The following RGS9 variants were observed in gnomAD, a reference collection of about 807,000 sequenced individuals.
RGS9 encodes regulator of G protein signaling 9, also known as regulator of G-protein signalling 9.
Under a neutral mutation model 102.0 loss-of-function variants are expected in RGS9, and 78 were observed. That is an observed-to-expected ratio of 0.76 (90% CI 0.64 to 0.92). The LOEUF (loss-of-function observed/expected upper bound fraction) is 0.92. Ranked by LOEUF, RGS9 falls within the 40% of genes least tolerant of loss-of-function variation. RGS9 has a pLI of 0.00. For missense variants in RGS9, 833 were observed against 866.1 expected (o/e 0.96, Z 0.48); for synonymous variants, 353 against 318.6 (o/e 1.11, Z -1.15).
intron 7 of RGS9, among the ~76,000 whole-genome samples, chr17:65,166,534 G>A (rs1258312057): frequency 2.6e-5 from 4 of 152,336 alleles, no homozygotes; most frequent in African/African-American, 9.6e-5. Context: ...GTACATGAAT[G>A]AACGAATGAA....
At position 65,226,270 on chromosome 17, in the gene RGS9, C is replaced by T. The variant is rs115395891; in HGVS notation, c.1892+784C>T. ...TTTGGGGGAGACAGTCAGGGGCACC[C>T]CTGCACCAATCAACATGTGTTTGGC... On this transcript the variant is annotated intron_variant, in intron 18 of 18. Coordinates refer to ENST00000262406, the MANE Select transcript of RGS9 (RefSeq NM_003835.4). Among the ~76,000 whole-genome samples, 1,238 of 152,290 alleles carry T rather than the reference C, an allele frequency of 8.1e-3. 16 individuals carry two copies. Among genetic ancestry groups the T allele is most frequent in the African/African-American group, 0.029 (1,192 of 41,554 alleles).
At chr17:65,219,153 G>A (rs1359394733) in intron 17 of RGS9, among the ~76,000 whole-genome samples, 3 of 152,178 alleles carry the variant, frequency 2.0e-5, no homozygotes, top group African/African-American at 4.8e-5. Context: ...GGGACTCAGG[G>A]CTGTGTGCAT....
intron 9 of RGS9, among the ~76,000 whole-genome samples, chr17:65,182,095 T>G (rs1274809845): frequency 6.6e-6 from 1 of 152,102 alleles, no homozygotes; most frequent in African/African-American, 2.4e-5. Context: ...AATAAGCAGC[T>G]GCTCAGAACC....
rs1166417586 is a variant in RGS9 at position 65,160,401 on chromosome 17, T to C, written c.312+62T>C. The C allele has an allele frequency of 1.2e-5, 18 of 1,560,720 alleles. 1 individual carries two copies. The South Asian group carries it at 1.9e-4, about 16-fold the overall frequency. ...GTTGATCTCATTTGAAAAGGTGGGGTTCATAGTTTCACAGATCAAGGACTT... is the reference window on the plus strand; with the variant it reads ...GTTGATCTCATTTGAAAAGGTGGGGCTCATAGTTTCACAGATCAAGGACTT... On this transcript the variant is annotated intron_variant, in intron 4 of 18. Transcript: ENST00000262406.
Position 65,227,355 on chromosome 17 carries a change from C to T in RGS9, c.1973C>T (p.Ser658Leu), listed in dbSNP as rs375807747. 9.1e-5 allele frequency: 147 copies of T among 1,613,998 alleles called. No individual in the cohort carries two copies. The highest frequency in any genetic ancestry group is 1.1e-4 in the Non-Finnish European group (132 of 1,180,046). The change falls in exon 19 of 19, where the codon TCG (serine) becomes TTG (leucine). Residue 658 changes from serine to leucine, a missense_variant. This residue lies in a region of RGS9 where 320 missense variants were observed against 276.8 expected (regional missense o/e 1.16). Coordinates refer to ENST00000262406, the MANE Select transcript of RGS9 (RefSeq NM_003835.4). Reference protein sequence around the residue: ...MDSEDAGTGESGDRATEKEVI... With the variant: ...MDSEDAGTGELGDRATEKEVI... Reference sequence around the variant, plus strand: ...TCGGAGGATGCTGGAACAGGAGAGTCGGGTGACCGGGCCACAGAAAAGGAG... The same window carrying T: ...TCGGAGGATGCTGGAACAGGAGAGTTGGGTGACCGGGCCACAGAAAAGGAG...
chr17:65,203,161 T>A (rs183189281), intron 14 of RGS9, among the ~76,000 whole-genome samples: 4 of 152,296 alleles, frequency 2.6e-5, no homozygotes, highest in African/African-American at 9.6e-5. Flanking sequence ...CCAGCAGCAT[T>A]GAAGAGAAAA....
At chr17:65,179,641 G>A (rs1386476429) in intron 9 of RGS9, among the ~76,000 whole-genome samples, 2 of 125,712 alleles carry the variant, frequency 1.6e-5, no homozygotes, top group South Asian at 5.3e-4. Context: ...TCAGCTGTGT[G>A]TGTGTGTGTG....
In RGS9 at chr17:65,137,370, A is replaced by T; in HGVS notation, c.-171A>T. Reference sequence around the variant, plus strand: ...TGGCGCGGATTCCAGCTGCTTTCCAAGTCAGCGGCGCCTAGTGAGAGTCAG... The same window carrying T: ...TGGCGCGGATTCCAGCTGCTTTCCATGTCAGCGGCGCCTAGTGAGAGTCAG... On this transcript the variant is annotated 5_prime_UTR_variant, in exon 1 of 19. Coordinates refer to ENST00000262406, the MANE Select transcript of RGS9 (RefSeq NM_003835.4). 1 of 653,056 alleles carries T rather than the reference A, an allele frequency of 1.5e-6. No homozygotes were observed. Among genetic ancestry groups the T allele is most frequent in the Non-Finnish European group, 2.7e-6 (1 of 366,602 alleles). The allele number at this position is 653,056 out of a possible 1,614,324, so 40.5% of individuals were successfully genotyped here.
chr17:65,152,600 G>A (rs544661134), intron 1 of RGS9, among the ~76,000 whole-genome samples: 3 of 152,168 alleles, frequency 2.0e-5, no homozygotes, highest in Non-Finnish European at 4.4e-5. Context: ...TGCGATCATA[G>A]CTCACTGTAG....
At chr17:65,199,251 A>G (rs1177783319) in intron 13 of RGS9, among the ~76,000 whole-genome samples, 3 of 152,182 alleles carry the variant, frequency 2.0e-5, no homozygotes, top group Non-Finnish European at 4.4e-5. Flanking sequence ...CTAATTCTAG[A>G]ACATTTTTGC....
chr17:65,164,286 T>C (rs905535758), intron 7 of RGS9, among the ~76,000 whole-genome samples: 2 of 152,300 alleles, frequency 1.3e-5, no homozygotes, highest in Middle Eastern at 6.8e-3. Flanking sequence ...CTTTGTGCGT[T>C]GCTTAGCAGG....
intron 1 of RGS9, among the ~76,000 whole-genome samples, chr17:65,149,868 C>A (rs1273828057): frequency 1.3e-5 from 2 of 152,178 alleles, no homozygotes; most frequent in Non-Finnish European, 2.9e-5. Context: ...TGCCCAAGAT[C>A]CTACAGTTAA....
intron 2 of RGS9, among the ~76,000 whole-genome samples, chr17:65,157,804 G>A (rs149597421): frequency 5.3e-5 from 8 of 152,004 alleles, no homozygotes; most frequent in Admixed American, 1.3e-4. Flanking sequence ...TTGGAGAGCC[G>A]GCCCCAGCCC....
At chr17:65,150,844 C>T (rs1910550843) in intron 1 of RGS9, among the ~76,000 whole-genome samples, 1 of 152,150 alleles carries the variant, frequency 6.6e-6, no homozygotes, top group South Asian at 2.1e-4. Flanking sequence ...GTCGAATGAC[C>T]AGCTGACCAT....
intron 17 of RGS9, among the ~76,000 whole-genome samples, chr17:65,211,929 A>T (rs1913320208): frequency 6.6e-6 from 1 of 152,352 alleles, no homozygotes; most frequent in East Asian, 1.9e-4. Flanking sequence ...TTGTTCATGC[A>T]TGTGGGGTCA....
intron 17 of RGS9, among the ~76,000 whole-genome samples, chr17:65,213,427 A>G (rs967555339): frequency 6.6e-6 from 1 of 152,144 alleles, no homozygotes; most frequent in Non-Finnish European, 1.5e-5. Flanking sequence ...TTTGAGAAGC[A>G]TGAAACCAGA....
intron 1 of RGS9, among the ~76,000 whole-genome samples, chr17:65,139,856 G>T (rs114374906): frequency 0.012 from 1,820 of 152,300 alleles, 44 homozygotes; most frequent in African/African-American, 0.041. Context: ...CAGAATAAAG[G>T]TCTGCAGAAC....
chr17:65,182,802 G>T (rs1911936538), intron 9 of RGS9, among the ~76,000 whole-genome samples: 1 of 152,168 alleles, frequency 6.6e-6, no homozygotes, highest in Non-Finnish European at 1.5e-5. Context: ...TTCATGGGCA[G>T]GGGGCTTGTA....
At chr17:65,207,851 T>C (rs1598616608) in intron 15 of RGS9, 71 bp from the exon 16 acceptor site, 2 of 1,112,064 alleles carry the variant, frequency 1.8e-6, no homozygotes, top group South Asian at 1.3e-5. Context: ...GGCTTGAAAA[T>C]GGCAAGGGTA....
Sources: allele counts gnomAD v4.1 joint callset (sites outside exome capture counted in the v4.1 genomes callset), GRCh38; gene constraint gnomAD v4.1.1; regional missense constraint gnomAD v4.1.1; transcripts MANE v1.5; gene names NCBI Gene and HGNC (gene_info 2026-07-23, HGNC 2026-07-21).